Variants in CIMIP2A observed in about 807,000 individuals in gnomAD.
CIMIP2A encodes family with sequence similarity 166 member A.
At chr9:137,244,171 C>G in the CIMIP2A span, 1 of 1,613,674 alleles carries the variant, frequency 6.2e-7, no homozygotes, top group Non-Finnish European at 8.5e-7. Context: ...CTCTACTCAC[C>G]GGGGATGAAC....
chr9:137,245,665 G>T, the CIMIP2A span: 1 of 1,606,248 alleles, frequency 6.2e-7, no homozygotes, highest in Non-Finnish European at 8.5e-7. Flanking sequence ...GTAGGGCTCC[G>T]TCAGGTCTTG....
the CIMIP2A span, chr9:137,252,115 G>A: frequency 3.1e-6 from 5 of 1,611,410 alleles, no homozygotes; most frequent in South Asian, 4.4e-5. Flanking sequence ...TACAGCATCG[G>A]CTGCAAGCAC....
the CIMIP2A span, chr9:137,245,484 T>C: frequency 1.2e-6 from 2 of 1,613,808 alleles, no homozygotes; most frequent in Non-Finnish European, 1.7e-6. Flanking sequence ...TCTCTACCCC[T>C]GGCGGCTCCT....
the CIMIP2A span, among the ~76,000 whole-genome samples, chr9:137,246,707 G>A: frequency 5.2e-3 from 797 of 152,218 alleles, 12 homozygotes; most frequent in African/African-American, 0.018. Flanking sequence ...AGCTTGCAGT[G>A]AGCCAAGATC....
At chr9:137,251,087 G>C in the CIMIP2A span, 9 of 589,738 alleles carry the variant, frequency 1.5e-5, no homozygotes, top group Non-Finnish European at 2.4e-5. Flanking sequence ...GAGTCACCGG[G>C]GCAGGCTGGG....
chr9:137,252,547 G>A, the CIMIP2A span: 5 of 1,554,280 alleles, frequency 3.2e-6, no homozygotes, highest in South Asian at 4.7e-5. Context: ...GGCAGGAAGG[G>A]GGCGGGGAGT....
At chr9:137,252,229 A>G in the CIMIP2A span, 2 of 1,506,122 alleles carry the variant, frequency 1.3e-6, no homozygotes, top group Non-Finnish European at 1.8e-6. Context: ...CCACGGCCTG[A>G]GGGCCCCTCC....
At chr9:137,253,214 G>T in the CIMIP2A span, 1 of 1,608,450 alleles carries the variant, frequency 6.2e-7, no homozygotes, top group Non-Finnish European at 8.5e-7. Flanking sequence ...AGACCCAAGC[G>T]CCACGACACA....
the CIMIP2A span, among the ~76,000 whole-genome samples, chr9:137,246,757 C>A: frequency 6.6e-6 from 1 of 151,886 alleles, no homozygotes; most frequent in African/African-American, 2.4e-5. Flanking sequence ...AGCGAGACTC[C>A]GTCTCAAAAG....
the CIMIP2A span, chr9:137,243,827 G>A: frequency 2.5e-6 from 4 of 1,604,740 alleles, no homozygotes; most frequent in Non-Finnish European, 1.7e-6. Flanking sequence ...GGGCTTATGT[G>A]CCCAGGACCA....
At chr9:137,243,864 A>T in the CIMIP2A span, 2 of 1,502,250 alleles carry the variant, frequency 1.3e-6, no homozygotes, top group Non-Finnish European at 1.9e-6. Context: ...CAGGCTTCAG[A>T]GAAGTGTGGG....
At chr9:137,244,714 A>T in the CIMIP2A span, 1 of 1,613,488 alleles carries the variant, frequency 6.2e-7, no homozygotes, top group Admixed American at 1.7e-5. Flanking sequence ...CCCAGGTGAA[A>T]CGGGGAATGA....
the CIMIP2A span, chr9:137,244,740 G>A: frequency 7.8e-4 from 1,261 of 1,612,392 alleles, 7 homozygotes; most frequent in African/African-American, 0.015. Context: ...GCATAGCCTG[G>A]GGGTAGGCAG....
chr9:137,249,039 G>A, the CIMIP2A span, among the ~76,000 whole-genome samples: 13 of 149,230 alleles, frequency 8.7e-5, no homozygotes, highest in African/African-American at 1.5e-4. Context: ...TGTATTTTTA[G>A]TAGAGACAGG....
the CIMIP2A span, among the ~76,000 whole-genome samples, chr9:137,254,633 G>T: frequency 6.6e-6 from 1 of 152,266 alleles, no homozygotes; most frequent in Non-Finnish European, 1.5e-5. Flanking sequence ...GAGAGGGTGT[G>T]TGTAGGGGGC....
At chr9:137,244,454 G>T in the CIMIP2A span, 1 of 1,504,896 alleles carries the variant, frequency 6.6e-7, no homozygotes, top group Non-Finnish European at 8.9e-7. Flanking sequence ...TTGAGTGCAG[G>T]GATCCAAGCA....
chr9:137,249,237 CTG>C, the CIMIP2A span, among the ~76,000 whole-genome samples: 2 of 152,208 alleles, frequency 1.3e-5, no homozygotes, highest in South Asian at 4.1e-4. Context: ...TACATGCTGA[CTG>C]TGTGTTGAGA....
the CIMIP2A span, chr9:137,251,852 C>A: frequency 6.2e-7 from 1 of 1,607,922 alleles, no homozygotes. Context: ...CGGGCACCCC[C>A]CAGGAGTCCC....
the CIMIP2A span, chr9:137,250,403 C>G: frequency 6.6e-6 from 1 of 152,436 alleles, no homozygotes; most frequent in East Asian, 1.9e-4. Context: ...GAACCCCTCG[C>G]CCAGATAAAA....
Sources: gnomAD v4.1 joint callset for allele counts (sites outside exome capture counted in the v4.1 genomes callset) on GRCh38, gnomAD v4.1.1 for gene constraint, MANE v1.5 for transcripts, NCBI Gene and HGNC (gene_info 2026-07-23, HGNC 2026-07-21) for gene names.